DPEP2: variants seen among roughly 807,000 people sequenced by gnomAD.
DPEP2 encodes dipeptidase 2.
Under a neutral mutation model 51.8 loss-of-function variants are expected in DPEP2, and 45 were observed. That is an observed-to-expected ratio of 0.87 (90% CI 0.68 to 1.11). The LOEUF is 1.11. DPEP2 is among the 50% of genes most tolerant of loss of function. The pLI is 0.00. For missense variants in DPEP2, 604 were observed against 631.9 expected, an observed-to-expected ratio of 0.96 and a Z score of 0.47; for synonymous variants, 255 against 262.7, an observed-to-expected ratio of 0.97 and a Z score of 0.28.
chr16:67,989,086 A>G (rs982171216), intron 9 of DPEP2, among the ~76,000 whole-genome samples: 1 of 152,174 alleles, frequency 6.6e-6, no homozygotes, highest in Non-Finnish European at 1.5e-5. Context: ...CTGCTCAGGG[A>G]GAGTGAGTCT....
In DPEP2 at chr16:67,992,836, A is replaced by G. The variant is rs2032343753; in HGVS notation, c.263+114T>C. 6.1e-6 allele frequency: 9 copies of G among 1,483,602 alleles called. No individual in the cohort carries two copies. In the East Asian group the frequency reaches 2.2e-4, roughly 35 times the overall value. The allele number at this position is 1,483,602 out of a possible 1,614,324, so 91.9% of individuals were successfully genotyped here. On this transcript the variant is annotated intron_variant, in intron 2 of 10. Coordinates refer to ENST00000393847, the MANE Select transcript of DPEP2 (RefSeq NM_022355.4). ...AGGGTACCCATGCATGACGGGAGAG[A>G]GGGCATCCAGGGGTGGTGTGAGGGA... is the stretch of plus-strand genomic sequence containing the variant.
intron 1 of DPEP2, among the ~76,000 whole-genome samples, chr16:67,998,614 G>T (rs954281331): frequency 3.9e-5 from 6 of 152,380 alleles, no homozygotes; most frequent in Middle Eastern, 3.4e-3. Context: ...CATGGCGCAG[G>T]ACTGGCAGGC....
Position 67,991,008 on chromosome 16 carries a change from A to G in DPEP2, c.733-11T>C. On this transcript the variant is annotated splice_polypyrimidine_tract_variant and intron_variant, in intron 6 of 10. Transcript: ENST00000393847. The surrounding 1 kb of genome is among the most constrained non-coding windows in gnomAD (Gnocchi z 5.1). ...TTCTGCCACCACCTTCTGCAGGGAC[A>G]TGTTGGGAGAAGGGTATCAGGGGTG... 1.2e-6 allele frequency: 2 copies of G among 1,613,856 alleles called. No individual in the cohort carries two copies. The highest frequency in any genetic ancestry group is 1.7e-6 in the Non-Finnish European group (2 of 1,179,744).
In DPEP2 at chr16:67,992,531, T is replaced by A; in HGVS notation, c.369A>T (p.Arg123Ser). Residue 123 changes from arginine to serine, a missense_variant, in exon 3 of 11, where the codon AGA (arginine) becomes AGT (serine). Coordinates refer to ENST00000393847, the MANE Select transcript of DPEP2 (RefSeq NM_022355.4). ...SYGQTSLDRL[R>S]DGLVGAQFWS... ...GTACCTGGGCGCCCACGAGGCCATC[T>A]CTAAGCCTGTCCAGGCTGGTCTGGC... 6.2e-7 allele frequency: 1 copy of A among 1,613,966 alleles called. No homozygotes were observed. Among genetic ancestry groups the A allele is most frequent in the Non-Finnish European group, 8.5e-7 (1 of 1,179,878 alleles).
Position 67,992,951 on chromosome 16 carries a change from C to G in DPEP2, c.262G>C (p.Gly88Arg). 1.2e-6 allele frequency: 2 copies of G among 1,609,680 alleles called. No individual in the cohort carries two copies. The highest frequency in any genetic ancestry group is 1.7e-6 in the Non-Finnish European group (2 of 1,177,986). The change falls in exon 2 of 11, where the codon GGC becomes CGC. Residue 88 changes from glycine (G) to arginine (R), a missense_variant and splice_region_variant. Transcript: ENST00000393847. ...CGCCCCCTTGCAGCAATTACGCACC[C>G]GTCCACGAGCGGGAAGTCCCGCATC... The part of the protein sequence containing the change: ...ALMRDFPLVD[G>R]HNDLPLVLRQ...
rs1347233048 is a variant in DPEP2 at position 67,991,590 on chromosome 16, C to G, written c.662+248G>C. On this transcript the variant is annotated intron_variant, in intron 5 of 10. Coordinates refer to ENST00000393847, the MANE Select transcript of DPEP2 (RefSeq NM_022355.4). This position sits in a 1 kb window ranked among gnomAD's most constrained non-coding sequence, Gnocchi z 5.1. ...ATAGGGTTTCACCATCTTGGCCAGG[C>G]TGGTCTCGAACTCCTGGCCTTAAGT... 2 of 562,404 alleles carry G rather than the reference C, an allele frequency of 3.6e-6. No individual in the cohort carries two copies. The highest frequency in any genetic ancestry group is 3.2e-5 in the Admixed American group (1 of 31,608). The allele number at this position is 562,404 out of a possible 1,614,324, so 34.8% of individuals were successfully genotyped here.
intron 2 of DPEP2, 89 bp from the exon 3 acceptor site, chr16:67,992,725 C>T: frequency 6.4e-7 from 1 of 1,551,424 alleles, no homozygotes; most frequent in South Asian, 1.2e-5. Context: ...CTGGGGATCC[C>T]CATCCCTCAT....
intron 1 of DPEP2, chr16:67,993,779 G>A: frequency 2.0e-6 from 2 of 985,762 alleles, no homozygotes; most frequent in South Asian, 4.7e-5. Context: ...GGTGGGTGTG[G>A]GGGAGAAGAT....
At position 67,987,906 on chromosome 16, in the gene DPEP2, C is replaced by A. The variant is rs1003206502; in HGVS notation, c.1152G>T (p.Glu384Asp). ...ELLSRGWSEEELQGVLRGNLL... is the reference protein window; with the variant it reads ...ELLSRGWSEEDLQGVLRGNLL... The stretch of plus-strand genomic sequence containing the variant: ...GGTTTCCACGAAGGACACCCTGAAG[C>A]TCTTCCTCACTCCAGCCACGACTCA... The change falls in exon 10 of 11, where the codon GAG (glutamate) becomes GAT (aspartate). Residue 384 changes from glutamate (E) to aspartate (D), a missense_variant. Physicochemically the swap from Glu to Asp is conservative, Grantham distance 45. Coordinates refer to ENST00000393847, the MANE Select transcript of DPEP2 (RefSeq NM_022355.4). 1.9e-6 allele frequency: 3 copies of A among 1,614,094 alleles called. No individual in the cohort carries two copies. The highest frequency in any genetic ancestry group is 2.5e-6 in the Non-Finnish European group (3 of 1,180,044).
intron 1 of DPEP2, among the ~76,000 whole-genome samples, chr16:67,998,997 T>A (rs1307653372): frequency 2.0e-5 from 3 of 152,134 alleles, no homozygotes; most frequent in Non-Finnish European, 4.4e-5. Context: ...CAGCAGGATG[T>A]GGGTGGGGCC....
chr16:67,990,498 C>G (rs941408805), intron 7 of DPEP2, among the ~76,000 whole-genome samples: 1 of 152,142 alleles, frequency 6.6e-6, no homozygotes, highest in African/African-American at 2.4e-5. Context: ...GGGTCCTACT[C>G]TGTCACCCAG....
At position 67,991,251 on chromosome 16, in the gene DPEP2, A is replaced by C. The variant is rs2032116186; in HGVS notation, c.663-67T>G. 4 of 1,516,216 alleles carry C rather than the reference A, an allele frequency of 2.6e-6. No homozygotes were observed. Among genetic ancestry groups the C allele is most frequent in the Non-Finnish European group, 3.6e-6 (4 of 1,102,162 alleles). 93.9% of individuals were successfully genotyped at this position (1,516,216 alleles called of 1,614,324 possible). ...TCGGCCTCAAGAGTCTAGAGGCCCT[A>C]CCCACCCTCCATCCCTGCACCCCCC... is the stretch of plus-strand genomic sequence containing the variant. On this transcript the variant is annotated intron_variant, in intron 5 of 10. Coordinates refer to ENST00000393847, the MANE Select transcript of DPEP2 (RefSeq NM_022355.4). This position sits in a 1 kb window ranked among gnomAD's most constrained non-coding sequence, Gnocchi z 5.1.
In DPEP2 at chr16:67,989,303, G is replaced by A; in HGVS notation, c.1070+20C>T. 1 of 1,614,046 alleles carries A rather than the reference G, an allele frequency of 6.2e-7. No homozygotes were observed. The highest frequency in any genetic ancestry group is 8.5e-7 in the Non-Finnish European group (1 of 1,179,878). The stretch of plus-strand genomic sequence containing the variant: ...CTGCTGTACAGCTAGCCCAAGACAA[G>A]CCACAGGGAAGGCACTCACTTGCCG... On this transcript the variant is annotated intron_variant, in intron 9 of 10. Coordinates refer to ENST00000393847, the MANE Select transcript of DPEP2 (RefSeq NM_022355.4).
In DPEP2 at chr16:67,992,159, T is replaced by G; in HGVS notation, c.425A>C (p.Asp142Ala). Residue 142 changes from aspartate (D) to alanine (A), a missense_variant, in exon 4 of 11, where the codon GAC (aspartate) becomes GCC (alanine). Coordinates refer to ENST00000393847, the MANE Select transcript of DPEP2 (RefSeq NM_022355.4). ...WSAYVPCQTQDRDALRLTLEQ... is the reference protein window; with the variant it reads ...WSAYVPCQTQARDALRLTLEQ... The stretch of plus-strand genomic sequence containing the variant: ...CAGGGTGAGGCGCAGGGCATCCCGG[T>G]CCTGGGTCTGGCATGGCACATAGGC... 6.2e-7 allele frequency: 1 copy of G among 1,614,108 alleles called. No homozygotes were observed. The highest frequency in any genetic ancestry group is 8.5e-7 in the Non-Finnish European group (1 of 1,180,014).
chr16:67,993,350 G>A (rs2032432475), intron 1 of DPEP2, 93 bp from the exon 2 acceptor site: 3 of 1,301,844 alleles, frequency 2.3e-6, no homozygotes, highest in East Asian at 3.1e-5. Context: ...GGAGGGTAAC[G>A]AAGTCACAGG....
chr16:67,998,533 C>T (rs2032838775), intron 1 of DPEP2, among the ~76,000 whole-genome samples: 1 of 152,198 alleles, frequency 6.6e-6, no homozygotes, highest in African/African-American at 2.4e-5. Context: ...CGGAGCCTCC[C>T]CGGTGAGCGC....
In DPEP2 at chr16:67,992,079, C is replaced by T; in HGVS notation, c.505G>A (p.Val169Met). 1.9e-6 allele frequency: 3 copies of T among 1,614,182 alleles called. No individual in the cohort carries two copies. The highest frequency in any genetic ancestry group is 2.5e-6 in the Non-Finnish European group (3 of 1,180,030). ...MCASYSELEL[V>M]TSAKALNDTQ... Reference sequence around the variant, plus strand: ...ACTTGCCTACCTTTAGCCGAGGTCACAAGCTCCAGCTCAGAATAGGAGGCA... The same window carrying T: ...ACTTGCCTACCTTTAGCCGAGGTCATAAGCTCCAGCTCAGAATAGGAGGCA... The change falls in exon 4 of 11, where the codon GTG (valine) becomes ATG (methionine). Residue 169 changes from valine (V) to methionine (M), a missense_variant. By Grantham distance (21) the Val-to-Met change is conservative. Coordinates refer to ENST00000393847, the MANE Select transcript of DPEP2 (RefSeq NM_022355.4).
rs1307913788 is a variant in DPEP2, at chr16:67,992,101, G to A, written c.483C>T (p.Ala161=). 1.2e-6 allele frequency: 2 copies of A among 1,614,078 alleles called. No homozygotes were observed. Among genetic ancestry groups the A allele is most frequent in the African/African-American group, 2.7e-5 (2 of 74,922 alleles). ...EQIDLIRRMC[A]SYSELELVTS... ...TCACAAGCTCCAGCTCAGAATAGGA[G>A]GCACACATGCGGCGTATGAGGTCAA... Residue 161 remains alanine (A), a synonymous_variant, in exon 4 of 11, where the codon GCC becomes GCT. Transcript: ENST00000393847.
Position 67,987,564 on chromosome 16 carries a change from T to C in DPEP2, c.1403A>G (p.His468Arg). The change falls in exon 11 of 11, where the codon CAC becomes CGC. Residue 468 changes from histidine (H) to arginine (R), a missense_variant. Physicochemically the swap from His to Arg is conservative, Grantham distance 29. Coordinates refer to ENST00000393847, the MANE Select transcript of DPEP2 (RefSeq NM_022355.4). ...AKWSVSESSP[H>R]MAPVLAVVAT... Reference sequence around the variant, plus strand: ...CACAACTGCAAGGACTGGGGCCATGTGGGGGGAGGACTCTGAGACTGACCA... The same window carrying C: ...CACAACTGCAAGGACTGGGGCCATGCGGGGGGAGGACTCTGAGACTGACCA... 1 of 1,614,062 alleles carries C rather than the reference T, an allele frequency of 6.2e-7. No individual in the cohort carries two copies. Among genetic ancestry groups the C allele is most frequent in the Non-Finnish European group, 8.5e-7 (1 of 1,179,998 alleles).
Sources: gnomAD v4.1 joint callset for allele counts (sites outside exome capture counted in the v4.1 genomes callset) on GRCh38, gnomAD v4.1.1 for gene constraint, Gnocchi (gnomAD v3.1) non-coding constraint, MANE v1.5 for transcripts, NCBI Gene and HGNC (gene_info 2026-07-23, HGNC 2026-07-21) for gene names.